The following SLC38A8 variants were observed in gnomAD, a reference collection of about 807,000 sequenced individuals.
SLC38A8 encodes amino acid transporter SLC38A8.
SLC38A8 carries 65 observed loss-of-function variants against 46.0 expected under a neutral mutation model. The ratio of observed to expected loss-of-function variants is 1.41; its 90% CI spans 1.16 to 1.74. The LOEUF (loss-of-function observed/expected upper bound fraction) is 1.74. Ranked by LOEUF, SLC38A8 falls within the 40% of genes most tolerant of loss-of-function variation. SLC38A8 has a pLI of 0.00. For synonymous variants in SLC38A8, 447 were observed against 243.7 expected (o/e 1.83, Z -7.77); for missense variants, 998 against 567.9 (o/e 1.76, Z -7.70).
chr16:84,025,891 G>C (rs748595330), intron 6 of SLC38A8, among the ~76,000 whole-genome samples: 1 of 152,240 alleles, frequency 6.6e-6, no homozygotes, highest in South Asian at 2.1e-4. Flanking sequence ...TCCTACAGGA[G>C]GGCTCTGCCA....
intron 7 of SLC38A8, among the ~76,000 whole-genome samples, chr16:84,020,500 C>T (rs2085082604): frequency 6.6e-6 from 1 of 152,200 alleles, no homozygotes; most frequent in Non-Finnish European, 1.5e-5. Context: ...CTGTAGCTCT[C>T]GCTATCTGCC....
chr16:84,024,653 C>T (rs1022555199), intron 6 of SLC38A8, among the ~76,000 whole-genome samples: 9 of 152,072 alleles, frequency 5.9e-5, no homozygotes, highest in Non-Finnish European at 8.8e-5. Context: ...TGGTGGCAAG[C>T]ACCTGTAATC....
intron 7 of SLC38A8, 151 bp downstream of exon 7, chr16:84,022,624 T>C (rs1193168008): frequency 1.6e-6 from 1 of 625,266 alleles, no homozygotes; most frequent in Non-Finnish European, 2.7e-6. Context: ...AATGAGGCCT[T>C]TTCCTATGCA....
intron 6 of SLC38A8, among the ~76,000 whole-genome samples, chr16:84,024,389 G>T (rs114966063): frequency 2.0e-5 from 3 of 152,112 alleles, no homozygotes; most frequent in African/African-American, 4.8e-5. Flanking sequence ...ACATTGCCCA[G>T]GCTGGTCTCA....
chr16:84,012,507 C>G (rs1321513166), intron 10 of SLC38A8, among the ~76,000 whole-genome samples: 1 of 152,190 alleles, frequency 6.6e-6, no homozygotes, highest in Non-Finnish European at 1.5e-5. Flanking sequence ...AGCATCCGGG[C>G]CCGCCTCCTC....
intron 7 of SLC38A8, among the ~76,000 whole-genome samples, chr16:84,021,183 C>T (rs1249549453): frequency 1.3e-5 from 2 of 152,202 alleles, no homozygotes; most frequent in Admixed American, 6.5e-5. Flanking sequence ...CTGCCTCAAC[C>T]TCCCAAGCAG....
At position 84,024,785 on chromosome 16, in the gene SLC38A8, G is replaced by A. The variant is rs111699811; in HGVS notation, c.691-1896C>T. ...GCTCGCCGCAACCTCCGCCTCCCGG[G>A]CTTAAGCGACTCTCCTGCCTCAGCC... On this transcript the variant is annotated intron_variant, in intron 6 of 10. Coordinates refer to ENST00000299709, the MANE Select transcript of SLC38A8 (RefSeq NM_001080442.3). Among the ~76,000 whole-genome samples, 11 of 152,156 alleles carry A rather than the reference G, an allele frequency of 7.2e-5. 1 individual carries two copies. The highest frequency in any genetic ancestry group is 2.6e-4 in the African/African-American group (11 of 41,562).
chr16:84,036,291 G>T (rs959083596), intron 3 of SLC38A8, among the ~76,000 whole-genome samples: 1 of 152,248 alleles, frequency 6.6e-6, no homozygotes, highest in Non-Finnish European at 1.5e-5. Context: ...GCAAGATGCA[G>T]CTAAAGCAGT....
At chr16:84,041,179 C>A (rs1597283507) in intron 2 of SLC38A8, 1 of 152,302 alleles carries the variant, frequency 6.6e-6, no homozygotes, top group Non-Finnish European at 1.5e-5. Flanking sequence ...GTCCGCGCTT[C>A]CCCAAAAGGG....
chr16:84,018,581 CCCATTAAT>C (rs2085059361), intron 7 of SLC38A8, among the ~76,000 whole-genome samples: 2 of 152,062 alleles, frequency 1.3e-5, no homozygotes. Flanking sequence ...AGTCCATTAA[CCCATTAAT>C]CCATTAAGCC....
In SLC38A8 at chr16:84,016,503, A is replaced by T. The variant is rs1469292869; in HGVS notation, c.1162+16T>A. On this transcript the variant is annotated intron_variant, in intron 9 of 10. Transcript: ENST00000299709. ...AAGAACAAGTGGGCAGAAAGCCTGGAAAGCAGGGGCCTCACCTGGGAAGAT... is the reference window on the plus strand; with the variant it reads ...AAGAACAAGTGGGCAGAAAGCCTGGTAAGCAGGGGCCTCACCTGGGAAGAT... 1.2e-6 allele frequency: 2 copies of T among 1,611,450 alleles called. No individual in the cohort carries two copies. The highest frequency in any genetic ancestry group is 4.5e-5 in the East Asian group (2 of 44,804).
Position 84,017,123 on chromosome 16 carries a change from A to G in SLC38A8, c.953+17T>C, listed in dbSNP as rs777979136. On this transcript the variant is annotated intron_variant, in intron 8 of 10. Transcript: ENST00000299709. ...CAGACCATGCTTCACGGTGCCCCCC[A>G]CTGAGCCAGGCCTCACCTCCCCAGG... The G allele has an allele frequency of 3.1e-6, 5 of 1,613,542 alleles. No individual in the cohort carries two copies. Among genetic ancestry groups the G allele is most frequent in the Non-Finnish European group, 4.2e-6 (5 of 1,179,814 alleles).
intron 10 of SLC38A8, among the ~76,000 whole-genome samples, chr16:84,011,365 T>G (rs757255825): frequency 3.3e-5 from 5 of 152,096 alleles, no homozygotes; most frequent in Non-Finnish European, 7.4e-5. Context: ...TACCAGACAT[T>G]GGGAGGCTGG....
At chr16:84,042,873 G>A (rs559361043), upstream of SLC38A8, among the ~76,000 whole-genome samples, 5 of 95,714 alleles carry the variant, frequency 5.2e-5, no homozygotes, top group Non-Finnish European at 9.4e-5. Context: ...GCCCGGCCCC[G>A]GGGGTGGAGC....
intron 6 of SLC38A8, among the ~76,000 whole-genome samples, chr16:84,025,429 G>A (rs1323855688): frequency 6.6e-6 from 1 of 152,162 alleles, no homozygotes; most frequent in Non-Finnish European, 1.5e-5. Flanking sequence ...CCTCCCGAGT[G>A]GGCTGGTTTC....
In SLC38A8 at chr16:84,014,711, A is replaced by G. The variant is rs532878473; in HGVS notation, c.1163-1659T>C. On this transcript the variant is annotated intron_variant, in intron 9 of 10. Coordinates refer to ENST00000299709, the MANE Select transcript of SLC38A8 (RefSeq NM_001080442.3). ...TATCTCTTAATCCCAGTAGACCCCA[A>G]TTTACGGGAGCTGGGGCAGGTACGG... Among the ~76,000 whole-genome samples the G allele has an allele frequency of 4.1e-4, 63 of 152,192 alleles. 1 individual carries two copies. The highest frequency in any genetic ancestry group is 7.9e-4 in the Non-Finnish European group (54 of 68,026).
At chr16:84,040,787 G>C (rs896401323) in intron 2 of SLC38A8, among the ~76,000 whole-genome samples, 6 of 152,088 alleles carry the variant, frequency 3.9e-5, no homozygotes, top group Non-Finnish European at 8.8e-5. Flanking sequence ...AGAGACACAT[G>C]ACCCTCCCGG....
chr16:84,032,025 C>G, intron 4 of SLC38A8, 57 bp from the exon 5 acceptor site: 2 of 1,452,466 alleles, frequency 1.4e-6, no homozygotes, highest in East Asian at 4.5e-5. Flanking sequence ...GGTTGATGCA[C>G]GGGGACAGTA....
chr16:84,016,546 T>C lies in SLC38A8; in HGVS notation c.1135A>G (p.Ser379Gly), dbSNP rs755131703. 2 of 1,614,072 alleles carry C rather than the reference T, an allele frequency of 1.2e-6. No homozygotes were observed. The highest frequency in any genetic ancestry group is 2.2e-5 in the East Asian group (1 of 44,884). The change falls in exon 9 of 11, where the codon AGT (serine) becomes GGT (glycine). Residue 379 changes from serine to glycine, a missense_variant. Ser to Gly is a moderately conservative substitution (Grantham distance 56, BLOSUM62 0). Transcript: ENST00000299709. ...SEIVSIIGGI[S>G]SFFIFIFPGL... The stretch of plus-strand genomic sequence containing the variant: ...GGGAAGATGAAGATGAAGAAGGAAC[T>C]GATGCCTCCGATGATGCTGACGATC...
Sources: allele counts gnomAD v4.1 joint callset (sites outside exome capture counted in the v4.1 genomes callset), GRCh38; gene constraint gnomAD v4.1.1; transcripts MANE v1.5; gene names NCBI Gene and HGNC (gene_info 2026-07-23, HGNC 2026-07-21).